Variants in CCDC60 observed in about 807,000 individuals in gnomAD.
CCDC60 encodes the protein coiled-coil domain-containing protein 60.
A neutral mutation model predicts 63.5 loss-of-function variants in CCDC60; 54 were observed. That is an observed-to-expected ratio of 0.85 (90% CI 0.68 to 1.07). CCDC60 has a LOEUF of 1.07. Among genes scored for constraint, CCDC60 ranks in the 50% least tolerant of loss-of-function variants. The probability of loss-of-function intolerance (pLI) is 0.00; values close to 1 mark genes in which losing one functional copy is unlikely to be tolerated. For synonymous variants in CCDC60, 206 were observed against 238.8 expected (o/e 0.86, Z 1.27); for missense variants, 651 against 684.3 (o/e 0.95, Z 0.54).
chr12:119,522,831 C>T, intron 9 of CCDC60, 108 bp from the exon 10 acceptor site: 2 of 941,806 alleles, frequency 2.1e-6, no homozygotes, highest in South Asian at 2.6e-5. Context: ...TTAGAACCAC[C>T]TCCCATGCCT....
intron 2 of CCDC60, among the ~76,000 whole-genome samples, chr12:119,464,483 A>G (rs2136311639): frequency 6.6e-6 from 1 of 151,980 alleles, no homozygotes; most frequent in East Asian, 1.9e-4. Flanking sequence ...AGTCTTAAGT[A>G]GAACACTGTA....
intron 2 of CCDC60, among the ~76,000 whole-genome samples, chr12:119,454,026 C>A (rs1593110901): frequency 1.3e-5 from 2 of 152,258 alleles, no homozygotes; most frequent in East Asian, 3.9e-4. Context: ...TCAACAATGT[C>A]CCAGGATGGC....
At chr12:119,403,130 T>C (rs896005733) in intron 1 of CCDC60, among the ~76,000 whole-genome samples, 1 of 152,206 alleles carries the variant, frequency 6.6e-6, no homozygotes, top group Admixed American at 6.5e-5. Context: ...GCTCACATTC[T>C]TCCATGGGAG....
In CCDC60 at chr12:119,509,991, C is replaced by T. The variant is rs578229678; in HGVS notation, c.883+4688C>T. On this transcript the variant is annotated intron_variant, in intron 7 of 13. Coordinates refer to ENST00000327554, the MANE Select transcript of CCDC60 (RefSeq NM_178499.5). ...TTTTTTTACATCAACTTGTGTCACT[C>T]ATTTTTGGTACCTGGCCCCTGAAGG... Among the ~76,000 whole-genome samples the T allele has an allele frequency of 1.1e-4, 17 of 152,282 alleles. No homozygotes were observed. In the South Asian group the frequency reaches 3.5e-3, roughly 32 times the overall value.
chr12:119,387,336 C>A (rs1269454041), intron 1 of CCDC60, among the ~76,000 whole-genome samples: 1 of 152,166 alleles, frequency 6.6e-6, no homozygotes, highest in South Asian at 2.1e-4. Flanking sequence ...CTGTCTTGCA[C>A]GGTTTGAACA....
At chr12:119,418,481 C>T (rs1956751478) in intron 1 of CCDC60, among the ~76,000 whole-genome samples, 1 of 132,836 alleles carries the variant, frequency 7.5e-6, no homozygotes, top group Non-Finnish European at 1.5e-5. Context: ...GTGGCGCAAT[C>T]TCAGTTCACT....
intron 9 of CCDC60, among the ~76,000 whole-genome samples, chr12:119,521,569 G>A (rs780826845): frequency 5.9e-5 from 9 of 152,140 alleles, no homozygotes; most frequent in Non-Finnish European, 1.3e-4. Context: ...TGTGTGCAAA[G>A]GTCCTGCGGC....
At chr12:119,504,977 CCCTCCCCACCTTCCT>C in intron 6 of CCDC60, 77 bp from the exon 7 acceptor site, 1 of 893,866 alleles carries the variant, frequency 1.1e-6, no homozygotes, top group Non-Finnish European at 1.7e-6. Flanking sequence ...TGTCTGCTGT[CCCTCCCCACCTTCCT>C]CCTTCCCTCC....
intron 1 of CCDC60, among the ~76,000 whole-genome samples, chr12:119,407,348 AAAAAGAAAAG>A (rs368533217): frequency 4.6e-5 from 7 of 151,960 alleles, no homozygotes; most frequent in Admixed American, 1.3e-4. Context: ...CTCTACAAAA[AAAAAGAAAAG>A]AAAAGAAAAG....
At chr12:119,343,122 A>AT (rs1955548656) in intron 1 of CCDC60, among the ~76,000 whole-genome samples, 2 of 152,216 alleles carry the variant, frequency 1.3e-5, no homozygotes, top group Non-Finnish European at 2.9e-5. Context: ...ATTCAAAATC[A>AT]TAATCATCAT....
intron 1 of CCDC60, among the ~76,000 whole-genome samples, chr12:119,375,984 T>C (rs1210934491): frequency 6.6e-6 from 1 of 152,208 alleles, no homozygotes; most frequent in Non-Finnish European, 1.5e-5. Flanking sequence ...GACTTTCCTC[T>C]GGTGAAAAGA....
intron 2 of CCDC60, among the ~76,000 whole-genome samples, chr12:119,459,709 G>T (rs1566021438): frequency 1.3e-5 from 2 of 152,096 alleles, no homozygotes; most frequent in Non-Finnish European, 2.9e-5. Flanking sequence ...TGGTTCATCT[G>T]GTCTTGTGCC....
At chr12:119,429,400 G>C (rs1355060540) in intron 2 of CCDC60, among the ~76,000 whole-genome samples, 1 of 152,010 alleles carries the variant, frequency 6.6e-6, no homozygotes, top group African/African-American at 2.4e-5. Context: ...ACTGTTTCCT[G>C]AGACCTGGAA....
intron 11 of CCDC60, chr12:119,524,533 T>C: frequency 1.3e-6 from 1 of 769,968 alleles, no homozygotes; most frequent in Non-Finnish European, 1.6e-6. Flanking sequence ...AGACTAATCC[T>C]TGCCCTTTCC....
chr12:119,339,794 C>G (rs925844544), intron 1 of CCDC60, among the ~76,000 whole-genome samples: 2 of 152,110 alleles, frequency 1.3e-5, no homozygotes, highest in African/African-American at 4.8e-5. Flanking sequence ...GGTGACAGAG[C>G]GAGATCCTGT....
chr12:119,459,405 T>C (rs1411741729), intron 2 of CCDC60, among the ~76,000 whole-genome samples: 13 of 152,230 alleles, frequency 8.5e-5, no homozygotes, highest in Admixed American at 7.8e-4. Flanking sequence ...TTGACCTAAC[T>C]GATTCCATCT....
intron 1 of CCDC60, among the ~76,000 whole-genome samples, chr12:119,399,946 G>C (rs983574522): frequency 1.3e-5 from 2 of 151,978 alleles, no homozygotes; most frequent in South Asian, 2.1e-4. Flanking sequence ...ATTAAGTATC[G>C]TGCACTCCAT....
chr12:119,520,023 T>C (rs889751667), intron 8 of CCDC60, 98 bp from the exon 9 acceptor site: 16 of 992,086 alleles, frequency 1.6e-5, no homozygotes, highest in Non-Finnish European at 2.3e-5. Flanking sequence ...TGAAGATTCT[T>C]GCTCTAGAAA....
intron 5 of CCDC60, among the ~76,000 whole-genome samples, chr12:119,491,065 CAG>C (rs1020423202): frequency 3.3e-5 from 5 of 152,130 alleles, no homozygotes; most frequent in Non-Finnish European, 7.4e-5. Context: ...TAAACATAAA[CAG>C]TCACATTTTT....
Sources: gnomAD v4.1 joint callset for allele counts (sites outside exome capture counted in the v4.1 genomes callset) on GRCh38, gnomAD v4.1.1 for gene constraint, MANE v1.5 for transcripts, NCBI Gene and HGNC (gene_info 2026-07-23, HGNC 2026-07-21) for gene names.